The following CAST variants were observed in gnomAD, a reference collection of about 807,000 sequenced individuals.
The protein encoded by CAST is MIR583 host.
Under a neutral mutation model 119.6 loss-of-function variants are expected in CAST, and 76 were observed. The observed-to-expected ratio is 0.64, with a 90% CI of 0.53 to 0.77. The LOEUF (loss-of-function observed/expected upper bound fraction) is 0.77, where lower values mean the gene tolerates loss of function less well. CAST is among the 30% of genes least tolerant of loss of function. The pLI is 0.00. For synonymous variants in CAST, 319 were observed against 331.6 expected (o/e 0.96, Z 0.41); for missense variants, 953 against 946.5 (o/e 1.01, Z -0.09).
chr5:96,103,612 T>A, the CAST span, among the ~76,000 whole-genome samples: 1 of 151,804 alleles, frequency 6.6e-6, no homozygotes, highest in East Asian at 1.9e-4. Context: ...GTTGGACATT[T>A]GGGTTGTTTC....
chr5:95,961,774 T>C, the CAST span: 1 of 1,517,818 alleles, frequency 6.6e-7, no homozygotes, highest in African/African-American at 1.4e-5. Context: ...TAGCCTCCAC[T>C]GCGGCCGCGG....
chr5:96,755,654 G>A (rs1643562889), intron 22 of CAST, among the ~76,000 whole-genome samples: 1 of 152,192 alleles, frequency 6.6e-6, no homozygotes, highest in South Asian at 2.1e-4. Context: ...AACAATTCTA[G>A]AAAATCAAAT....
rs1247007695 is a variant in CAST at position 96,754,118 on chromosome 5, A to G, written c.1583A>G (p.Glu528Gly). ...TTGGCTGATAGCCTGGGGAAAAAGG[A>G]AGCAGATCCAGAAGATGGAAAACCT... ...EALADSLGKK[E>G]ADPEDGKPVM... Residue 528 changes from glutamate to glycine, a missense_variant, in exon 21 of 32, where the codon GAA (glutamate) becomes GGA (glycine). By Grantham distance (98) the Glu-to-Gly change is moderately conservative. Coordinates refer to ENST00000675179, the MANE Select transcript of CAST (RefSeq NM_001750.7). 2 of 1,613,808 alleles carry G rather than the reference A, an allele frequency of 1.2e-6. No individual in the cohort carries two copies. Among genetic ancestry groups the G allele is most frequent in the Non-Finnish European group, 1.7e-6 (2 of 1,179,656 alleles).
At chr5:96,580,964 G>C (rs951505798) in intron 1 of CAST, among the ~76,000 whole-genome samples, 20 of 152,364 alleles carry the variant, frequency 1.3e-4, no homozygotes, top group Middle Eastern at 3.4e-3. Flanking sequence ...AGGACACAAT[G>C]AGAAGGCACC....
the CAST span, among the ~76,000 whole-genome samples, chr5:96,510,835 A>G: frequency 1.3e-5 from 2 of 152,260 alleles, no homozygotes; most frequent in Non-Finnish European, 2.9e-5. Context: ...CTATCCAAAA[A>G]AAGGGGTGGA....
the CAST span, among the ~76,000 whole-genome samples, chr5:95,972,363 A>G: frequency 6.6e-6 from 1 of 151,982 alleles, no homozygotes; most frequent in African/African-American, 2.4e-5. Flanking sequence ...TTGAGAATTC[A>G]AGTTTTTCTG....
chr5:96,425,887 C>T, the CAST span: 16 of 1,612,512 alleles, frequency 9.9e-6, no homozygotes, highest in African/African-American at 2.7e-5. Flanking sequence ...TAGAGCTGAA[C>T]GTTTACTTCT....
chr5:96,416,197 G>T, the CAST span: 1 of 978,956 alleles, frequency 1.0e-6, no homozygotes, highest in Non-Finnish European at 1.6e-6. Flanking sequence ...GAATTAATGG[G>T]GCATAGGTAT....
the CAST span, among the ~76,000 whole-genome samples, chr5:96,204,613 G>T: frequency 6.6e-6 from 1 of 152,032 alleles, no homozygotes; most frequent in Non-Finnish European, 1.5e-5. Context: ...CTCTAGCCCT[G>T]TCCCAGGGTT....
At chr5:96,366,196 C>T in the CAST span, among the ~76,000 whole-genome samples, 2 of 152,210 alleles carry the variant, frequency 1.3e-5, no homozygotes, top group South Asian at 4.1e-4. Flanking sequence ...CAGAGAGATC[C>T]ACTGTTAGTC....
At chr5:96,370,117 A>G in the CAST span, among the ~76,000 whole-genome samples, 3 of 151,714 alleles carry the variant, frequency 2.0e-5, no homozygotes, top group South Asian at 2.1e-4. Flanking sequence ...GAAACTCATT[A>G]TAGGAGGTAT....
At chr5:96,192,631 C>A in the CAST span, among the ~76,000 whole-genome samples, 1 of 152,152 alleles carries the variant, frequency 6.6e-6, no homozygotes, top group Admixed American at 6.5e-5. Context: ...CTGCAGGCAC[C>A]TTTCAGTGGG....
the CAST span, among the ~76,000 whole-genome samples, chr5:96,354,710 G>GTAAATA: frequency 5.4e-5 from 8 of 148,564 alleles, no homozygotes; most frequent in Admixed American, 2.0e-4. Context: ...ATTATGCAAT[G>GTAAATA]TAAATATAAT....
At chr5:96,088,803 A>G in the CAST span, among the ~76,000 whole-genome samples, 1 of 151,946 alleles carries the variant, frequency 6.6e-6, no homozygotes, top group Non-Finnish European at 1.5e-5. Context: ...AGGGACAGAT[A>G]CTGGATTTTG....
the CAST span, among the ~76,000 whole-genome samples, chr5:96,203,483 ATG>A: frequency 6.6e-6 from 1 of 152,016 alleles, no homozygotes; most frequent in South Asian, 2.1e-4. Flanking sequence ...TTTGTGACAT[ATG>A]TGTTTATTTG....
the CAST span, among the ~76,000 whole-genome samples, chr5:96,015,087 A>G: frequency 3.3e-5 from 5 of 152,212 alleles, no homozygotes; most frequent in Non-Finnish European, 5.9e-5. Context: ...AACTTCTCTC[A>G]GTTCATTCAG....
chr5:96,627,556 C>T (rs1299658207), intron 1 of CAST, among the ~76,000 whole-genome samples: 2 of 152,066 alleles, frequency 1.3e-5, no homozygotes, highest in Admixed American at 1.3e-4. Flanking sequence ...ATTTGGGATC[C>T]ACCTTGTGAA....
At chr5:96,730,487 G>A (rs559558510) in intron 8 of CAST, among the ~76,000 whole-genome samples, 6 of 152,228 alleles carry the variant, frequency 3.9e-5, no homozygotes, top group Non-Finnish European at 7.4e-5. Flanking sequence ...GTGAGCTCAC[G>A]TGGCAACAAT....
chr5:96,746,250 T>C (rs1322449294), intron 16 of CAST, 92 bp from the exon 17 acceptor site: 1 of 783,576 alleles, frequency 1.3e-6, no homozygotes, highest in East Asian at 2.5e-5. Context: ...TTTGGTCTTC[T>C]CTATAACACT....
Sources: allele counts gnomAD v4.1 joint callset (sites outside exome capture counted in the v4.1 genomes callset), GRCh38; gene constraint gnomAD v4.1.1; transcripts MANE v1.5; gene names NCBI Gene and HGNC (gene_info 2026-07-23, HGNC 2026-07-21).